Variants in NCOR2 observed in about 807,000 individuals in gnomAD.
NCOR2 encodes the protein CTG repeat protein 26.
In NCOR2, 81 loss-of-function variants were observed where a neutral mutation model predicts 262.9. The observed-to-expected ratio is 0.31, with a 90% CI of 0.26 to 0.37. The LOEUF is 0.37. Among genes scored for constraint, NCOR2 ranks in the 10% least tolerant of loss-of-function variants. The pLI is 1.00. For synonymous variants in NCOR2, 1,659 were observed against 1,559.3 expected (o/e 1.06, Z -1.51); for missense variants, 3,385 against 3,621.4 (o/e 0.93, Z 1.68).
In NCOR2 at chr12:124,481,781, G is replaced by C. The variant is rs145539688; in HGVS notation, c.411+1815C>G. ...GAGCCATGGATGGTTTGGAGCACAGGGGGGAACACACAGGGGGATGCAGTC... is the reference window on the plus strand; with the variant it reads ...GAGCCATGGATGGTTTGGAGCACAGCGGGGAACACACAGGGGGATGCAGTC... On this transcript the variant is annotated intron_variant, in intron 3 of 46. Transcript: ENST00000405201. This position sits in a 1 kb window ranked among gnomAD's most constrained non-coding sequence, Gnocchi z 4.6. 1.1e-3 allele frequency among the ~76,000 whole-genome samples: 174 copies of C among 152,248 alleles called. No individual in the cohort carries two copies. Among genetic ancestry groups the C allele is most frequent in the Non-Finnish European group, 1.7e-3 (119 of 68,002 alleles).
intron 20 of NCOR2, among the ~76,000 whole-genome samples, chr12:124,364,880 C>T (rs2038899116): frequency 6.6e-6 from 1 of 152,128 alleles, no homozygotes; most frequent in East Asian, 1.9e-4. Flanking sequence ...TGGAGGCAGC[C>T]CGGCCTGCAT....
At chr12:124,559,005 G>A (rs1250455546) in intron 1 of NCOR2, among the ~76,000 whole-genome samples, 6 of 152,176 alleles carry the variant, frequency 3.9e-5, no homozygotes, top group South Asian at 2.1e-4. Flanking sequence ...TGAACCCTGG[G>A]AGACAAGAGG....
chr12:124,350,803 G>A (rs2037384835), intron 27 of NCOR2, 66 bp from the exon 30 acceptor site: 1 of 1,536,544 alleles, frequency 6.5e-7, no homozygotes, highest in African/African-American at 1.4e-5. Flanking sequence ...CTCAAATGCA[G>A]GCAAAGACGT....
At chr12:124,537,463 C>T (rs1358995577), upstream of NCOR2, among the ~76,000 whole-genome samples, 1 of 152,198 alleles carries the variant, frequency 6.6e-6, no homozygotes, top group African/African-American at 2.4e-5. Context: ...CCAGGCTCCC[C>T]AGGTTCCAAT....
At chr12:124,519,089 T>TACACACACACACAC (rs57438929) in intron 1 of NCOR2, among the ~76,000 whole-genome samples, 19 of 97,316 alleles carry the variant, frequency 2.0e-4, no homozygotes, top group South Asian at 1.7e-3. Flanking sequence ...GGCCAAATAA[T>TACACACACACACAC]ACACACACAC....
In NCOR2 at chr12:124,505,757, C is replaced by T. The variant is rs77882860; in HGVS notation, c.-117-10389G>A. Among the ~76,000 whole-genome samples the T allele has an allele frequency of 5.2e-3, 787 of 152,220 alleles. 30 individuals carry two copies. In the East Asian group the frequency reaches 0.094, roughly 18 times the overall value. On this transcript the variant is annotated intron_variant, in intron 1 of 46. Coordinates refer to the NCOR2 transcript ENST00000404621. ...GCGTGGCTGTTACTGCCCTCTGCCA[C>T]GCCGACCACTCGGGGGAAGGAGGGA... is the stretch of plus-strand genomic sequence containing the variant.
chr12:124,359,679 G>C (rs1566393890), intron 22 of NCOR2, among the ~76,000 whole-genome samples: 1 of 152,244 alleles, frequency 6.6e-6, no homozygotes, highest in Non-Finnish European at 1.5e-5. Context: ...AGTTGGGAGA[G>C]AGAGGAGGGG....
chr12:124,446,848 T>C (rs1285325847), intron 7 of NCOR2, among the ~76,000 whole-genome samples: 1 of 152,248 alleles, frequency 6.6e-6, no homozygotes, highest in African/African-American at 2.4e-5. Context: ...AAGGTTTTTC[T>C]AACAGAAGTT....
intron 31 of NCOR2, 64 bp from the exon 34 acceptor site, chr12:124,345,015 C>A: frequency 2.2e-6 from 3 of 1,367,786 alleles, no homozygotes; most frequent in Non-Finnish European, 2.9e-6. Context: ...AGCTGCATCC[C>A]CCTTCTGAGC....
intron 23 of NCOR2, among the ~76,000 whole-genome samples, chr12:124,355,976 A>G (rs1199778132): frequency 1.3e-5 from 2 of 152,168 alleles, no homozygotes; most frequent in Non-Finnish European, 2.9e-5. Context: ...AGAAAGTCTT[A>G]GCCCCCGACT....
At chr12:124,361,405 A>C (rs1454038574) in intron 22 of NCOR2, among the ~76,000 whole-genome samples, 1 of 152,234 alleles carries the variant, frequency 6.6e-6, no homozygotes, top group Non-Finnish European at 1.5e-5. Flanking sequence ...CTTTGGGGAC[A>C]CAGGTTCAGA....
chr12:124,547,553 C>T (rs1415374241), intron 1 of NCOR2, among the ~76,000 whole-genome samples: 1 of 152,204 alleles, frequency 6.6e-6, no homozygotes, highest in Non-Finnish European at 1.5e-5. Context: ...ATAAAGTAGG[C>T]AGCTCTGACA....
chr12:124,357,640 C>T (rs115739540), intron 22 of NCOR2, among the ~76,000 whole-genome samples: 9 of 152,386 alleles, frequency 5.9e-5, no homozygotes, highest in African/African-American at 2.2e-4. Context: ...AGCGTGGCCA[C>T]ATCTGTGCAT....
Position 124,430,744 on chromosome 12 carries a change from C to T in NCOR2, c.926G>A (p.Trp309Ter). ...CTCGATGCGCTCCACCTTCTTCTCCCAGGCCTCCATGAGCTGGTCATAGCG... is the reference window on the plus strand; with the variant it reads ...CTCGATGCGCTCCACCTTCTTCTCCTAGGCCTCCATGAGCTGGTCATAGCG... The change falls in exon 9 of 47, where the codon TGG (tryptophan) becomes TAG (stop). Residue 309 changes from tryptophan to a stop codon, truncating the protein, a stop_gained. Transcript: ENST00000405201. LOFTEE classifies it high-confidence loss of function. 1 of 1,614,106 alleles carries T rather than the reference C, an allele frequency of 6.2e-7. No homozygotes were observed. Among genetic ancestry groups the T allele is most frequent in the Non-Finnish European group, 8.5e-7 (1 of 1,179,974 alleles).
chr12:124,341,839 G>A (rs372664945), exon 34 of NCOR2: 38 of 1,606,012 alleles, frequency 2.4e-5, no homozygotes, highest in African/African-American at 2.3e-4. Context: ...GACCCGCAGC[G>A]TAGTTGAGTG....
At chr12:124,476,233 G>A (rs1055165405) in intron 3 of NCOR2, among the ~76,000 whole-genome samples, 4 of 152,166 alleles carry the variant, frequency 2.6e-5, no homozygotes, top group African/African-American at 4.8e-5. Flanking sequence ...GCCAACTGAC[G>A]TGAGACATCC....
exon 15 of NCOR2, chr12:124,400,511 G>A (rs1421835216): frequency 1.1e-5 from 18 of 1,613,322 alleles, no homozygotes; most frequent in South Asian, 5.5e-5. Flanking sequence ...CCAGCTCGGC[G>A]CTCTGCTGGG....
chr12:124,348,104 AACGGGGTCAG>A (rs1367513191), intron 29 of NCOR2, 60 bp downstream of exon 31: 2 of 1,594,506 alleles, frequency 1.3e-6, no homozygotes, highest in African/African-American at 2.7e-5. Context: ...CCATCTGTAA[AACGGGGTCAG>A]CCATCCCCCC....
chr12:124,504,553 A>T lies in NCOR2; in HGVS notation c.-117-9185T>A, dbSNP rs1423320791. Among the ~76,000 whole-genome samples the T allele has an allele frequency of 6.6e-6, 1 of 152,244 alleles. No individual in the cohort carries two copies. The highest frequency in any genetic ancestry group is 1.5e-5 in the Non-Finnish European group (1 of 68,048). On this transcript the variant is annotated intron_variant, in intron 1 of 46. Transcript: ENST00000404621. This position sits in a 1 kb window ranked among gnomAD's most constrained non-coding sequence, Gnocchi z 4.5. ...TAGCTACACATCCCCAAGGAACGGA[A>T]AACTGGTGACAAAACAAACAGAAAG...
Sources: allele counts gnomAD v4.1 joint callset (sites outside exome capture counted in the v4.1 genomes callset), GRCh38; gene constraint gnomAD v4.1.1; non-coding constraint Gnocchi (gnomAD v3.1); transcripts MANE v1.5; gene names NCBI Gene and HGNC (gene_info 2026-07-23, HGNC 2026-07-21).